Variants in CNNM2 observed in about 807,000 individuals in gnomAD.
CNNM2 encodes metal transporter CNNM2.
In CNNM2, 12 loss-of-function variants were observed where a neutral mutation model predicts 66.9. The observed-to-expected ratio is 0.18, with a 90% CI of 0.11 to 0.29. The LOEUF (loss-of-function observed/expected upper bound fraction) is 0.29, where lower values mean the gene tolerates loss of function less well. CNNM2 is among the 10% of genes least tolerant of loss of function. The pLI is 1.00. For synonymous variants in CNNM2, 557 were observed against 501.8 expected (o/e 1.11, Z -1.47); for missense variants, 705 against 1,167.7 (o/e 0.60, Z 5.77).
rs72841298 is a variant in CNNM2 at position 102,942,115 on chromosome 10, A to G, written c.1621+22014A>G. ...GATCTTAGGAACTAATCAGAAATAC[A>G]TGTAAAACTTAAAACACAGAGGTGC... On this transcript the variant is annotated intron_variant, in intron 1 of 7. Coordinates refer to ENST00000369878, the MANE Select transcript of CNNM2 (RefSeq NM_017649.5). Among the ~76,000 whole-genome samples, 5,654 of 152,354 alleles carry G rather than the reference A, an allele frequency of 0.037. 150 individuals carry two copies. Among genetic ancestry groups the G allele is most frequent in the Non-Finnish European group, 0.056 (3,820 of 68,030 alleles).
intron 1 of CNNM2, among the ~76,000 whole-genome samples, chr10:102,977,064 T>C (rs2063646011): frequency 6.6e-6 from 1 of 152,118 alleles, no homozygotes; most frequent in Non-Finnish European, 1.5e-5. Context: ...CTTCCCATAA[T>C]AAAAAGAGTT....
chr10:102,986,068 G>A (rs957047798), intron 1 of CNNM2, among the ~76,000 whole-genome samples: 1 of 152,136 alleles, frequency 6.6e-6, no homozygotes, highest in African/African-American at 2.4e-5. Flanking sequence ...GACTAGCTCC[G>A]ATGTTCACTT....
chr10:102,921,975 A>G (rs1166117706), intron 1 of CNNM2, among the ~76,000 whole-genome samples: 1 of 151,984 alleles, frequency 6.6e-6, no homozygotes, highest in East Asian at 1.9e-4. Context: ...ACCTTGAACA[A>G]TTTTTCTATG....
intron 1 of CNNM2, among the ~76,000 whole-genome samples, chr10:103,023,192 A>G (rs913781080): frequency 6.6e-6 from 1 of 152,218 alleles, no homozygotes; most frequent in African/African-American, 2.4e-5. Flanking sequence ...GGCATAAGCC[A>G]CCATGCCCAG....
chr10:102,999,895 G>T (rs2064083488), intron 1 of CNNM2, among the ~76,000 whole-genome samples: 1 of 152,170 alleles, frequency 6.6e-6, no homozygotes, highest in Non-Finnish European at 1.5e-5. Flanking sequence ...AGAAGTGTTG[G>T]CAAAGATGTG....
At chr10:102,926,928 AG>A (rs1845888151) in intron 1 of CNNM2, among the ~76,000 whole-genome samples, 1 of 152,116 alleles carries the variant, frequency 6.6e-6, no homozygotes, top group African/African-American at 2.4e-5. Flanking sequence ...CATGTTGTCC[AG>A]GCTGATCTTG....
intron 1 of CNNM2, among the ~76,000 whole-genome samples, chr10:103,040,019 T>C (rs2065010788): frequency 6.6e-6 from 1 of 151,824 alleles, no homozygotes; most frequent in Admixed American, 6.6e-5. Context: ...ATACAAAAAT[T>C]AGCCAGGCAT....
In CNNM2 at chr10:103,084,842, C is replaced by T. The variant is rs1362310587; in HGVS notation, c.*7662C>T. On this transcript the variant is annotated 3_prime_UTR_variant, in exon 8 of 8. Transcript: ENST00000369878. Reference sequence around the variant, plus strand: ...GGTTAAAAACTGACCTTTTTATAGCCTGGAGTTGATTTCTGGAAACTTATT... The same window carrying T: ...GGTTAAAAACTGACCTTTTTATAGCTTGGAGTTGATTTCTGGAAACTTATT... The T allele has an allele frequency of 1.3e-5, 2 of 152,118 alleles. No homozygotes were observed. The highest frequency in any genetic ancestry group is 2.4e-5 in the African/African-American group (1 of 41,412). The allele number at this position is 152,118 out of a possible 1,614,324, so 9.4% of individuals were successfully genotyped here.
chr10:102,990,646 G>A lies in CNNM2; in HGVS notation c.1622-59061G>A, dbSNP rs2063882541. ...AAAGTGAAAGGGGTGGGCGTAGAAT[G>A]AGCCTCATTCCTAACCAGAACACTC... On this transcript the variant is annotated intron_variant, in intron 1 of 7. Coordinates refer to ENST00000369878, the MANE Select transcript of CNNM2 (RefSeq NM_017649.5). Among the ~76,000 whole-genome samples the A allele has an allele frequency of 2.0e-5, 3 of 152,166 alleles. No homozygotes were observed. In the South Asian group the frequency reaches 6.2e-4, roughly 32 times the overall value.
Position 103,076,993 on chromosome 10 carries a change from A to G in CNNM2, c.2441A>G (p.Asn814Ser). Residue 814 changes from asparagine (N) to serine (S), a missense_variant, in exon 8 of 8, where the codon AAT becomes AGT. Around this residue, in one of 9 missense-constraint regions of CNNM2, gnomAD observed 194 missense variants for 227.6 expected, o/e 0.85. Transcript: ENST00000369878. Reference protein sequence around the residue: ...FVKISRQQYQNALMASRMDKT... With the variant: ...FVKISRQQYQSALMASRMDKT... ...CAGATCTCAAGACAGCAATACCAAA[A>G]TGCCTTGATGGCATCCCGGATGGAC... 6.2e-7 allele frequency: 1 copy of G among 1,613,928 alleles called. No individual in the cohort carries two copies. The highest frequency in any genetic ancestry group is 8.5e-7 in the Non-Finnish European group (1 of 1,179,894).
rs11191525 is a variant in CNNM2 at position 103,033,678 on chromosome 10, G to C, written c.1622-16029G>C. Among the ~76,000 whole-genome samples, 15,883 of 151,882 alleles carry C rather than the reference G, an allele frequency of 0.1. 844 individuals are homozygous for C. The highest frequency in any genetic ancestry group is 0.18 in the Middle Eastern group (52 of 292). ...CCTATTTTTGGTTGGTAGAGATGGG[G>C]GTTTCACCATGTTGGCCAGGCTGGT... On this transcript the variant is annotated intron_variant, in intron 1 of 7. Coordinates refer to ENST00000369878, the MANE Select transcript of CNNM2 (RefSeq NM_017649.5).
chr10:103,052,526 T>G (rs2065232961), intron 2 of CNNM2, among the ~76,000 whole-genome samples: 1 of 151,580 alleles, frequency 6.6e-6, no homozygotes, highest in Non-Finnish European at 1.5e-5. Flanking sequence ...TTCTTTTTTT[T>G]TTTTTTAGAC....
intron 4 of CNNM2, among the ~76,000 whole-genome samples, chr10:103,057,374 CAG>C (rs1466778815): frequency 4.0e-5 from 6 of 151,446 alleles, no homozygotes; most frequent in Admixed American, 1.3e-4. Context: ...GAGGCTAAGA[CAG>C]GGGGCGGGGC....
intron 1 of CNNM2, among the ~76,000 whole-genome samples, chr10:103,024,366 A>G (rs1270065965): frequency 2.0e-5 from 3 of 152,236 alleles, no homozygotes; most frequent in African/African-American, 7.2e-5. Flanking sequence ...AAAATATTTC[A>G]AAACAGATTC....
At chr10:103,021,832 T>TA (rs1485145598) in intron 1 of CNNM2, among the ~76,000 whole-genome samples, 2 of 152,178 alleles carry the variant, frequency 1.3e-5, no homozygotes, top group Admixed American at 1.3e-4. Flanking sequence ...TTTGAGAAAA[T>TA]ACTGGTTCCT....
chr10:102,978,005 G>A (rs971713830), intron 1 of CNNM2, among the ~76,000 whole-genome samples: 3 of 151,778 alleles, frequency 2.0e-5, no homozygotes, highest in Non-Finnish European at 4.4e-5. Context: ...CACCTCCTGG[G>A]TTCAAGCGAT....
intron 1 of CNNM2, among the ~76,000 whole-genome samples, chr10:102,945,565 A>C (rs1351237210): frequency 6.7e-6 from 1 of 150,070 alleles, no homozygotes; most frequent in African/African-American, 2.5e-5. Flanking sequence ...CCTGCGCCCC[A>C]CAGTGTCCTT....
At chr10:103,001,137 A>ACTTTCT (rs1366776501) in intron 1 of CNNM2, among the ~76,000 whole-genome samples, 17 of 152,190 alleles carry the variant, frequency 1.1e-4, no homozygotes, top group African/African-American at 4.1e-4. Flanking sequence ...GATTAGTCAA[A>ACTTTCT]ATTATAGAGA....
At chr10:102,931,144 C>T (rs751486215) in intron 1 of CNNM2, among the ~76,000 whole-genome samples, 14 of 152,138 alleles carry the variant, frequency 9.2e-5, no homozygotes, top group Non-Finnish European at 1.5e-4. Context: ...CAACTACCTT[C>T]CTTCCATTGG....
Sources: allele counts gnomAD v4.1 joint callset (sites outside exome capture counted in the v4.1 genomes callset), GRCh38; gene constraint gnomAD v4.1.1; regional missense constraint gnomAD v4.1.1; transcripts MANE v1.5; gene names NCBI Gene and HGNC (gene_info 2026-07-23, HGNC 2026-07-21).